Variants in BBS9 observed in about 807,000 individuals in gnomAD.
The protein encoded by BBS9 is Bardet-Biedl syndrome 9.
In BBS9, 89 loss-of-function variants were observed where a neutral mutation model predicts 117.7. That is an observed-to-expected ratio of 0.76 (90% CI 0.64 to 0.90). BBS9 has a LOEUF of 0.90. Ranked by LOEUF, BBS9 falls within the 40% of genes least tolerant of loss-of-function variation. The pLI is 0.00. For synonymous variants in BBS9, 379 were observed against 370.9 expected, an observed-to-expected ratio of 1.02 and a Z score of -0.25; for missense variants, 982 against 1,042.2, an observed-to-expected ratio of 0.94 and a Z score of 0.80.
At chr7:33,314,239 C>CTTTT in intron 9 of BBS9, 5 of 350,434 alleles carry the variant, frequency 1.4e-5, no homozygotes, top group South Asian at 6.8e-5. Context: ...AATTTCCTTT[C>CTTTT]TTTTTTTTTT....
intron 7 of BBS9, among the ~76,000 whole-genome samples, chr7:33,267,063 T>C (rs1798953711): frequency 6.6e-6 from 1 of 152,136 alleles, no homozygotes; most frequent in Admixed American, 6.6e-5. Context: ...TTTATTTATT[T>C]ATTTTTTGCT....
At chr7:33,267,878 T>G (rs1799090857) in intron 7 of BBS9, among the ~76,000 whole-genome samples, 1 of 152,188 alleles carries the variant, frequency 6.6e-6, no homozygotes, top group South Asian at 2.1e-4. Flanking sequence ...TCCTTTCACA[T>G]TTCTTTTAGT....
intron 19 of BBS9, among the ~76,000 whole-genome samples, chr7:33,411,515 A>T (rs907109488): frequency 1.3e-5 from 2 of 152,136 alleles, no homozygotes; most frequent in Admixed American, 6.6e-5. Context: ...TGTAAATTTA[A>T]ACTTAGATTT....
chr7:33,604,883 C>T lies in BBS9; in HGVS notation c.2540C>T (p.Pro847Leu). ...CAACTAGGTGGTTGTACTACAATCC[C>T]AGAGTCAGACCTAGAAGAAAGATCA... ...MVMPGGCTTI[P>L]ESDLEERSVE... Residue 847 changes from proline to leucine, a missense_variant, in exon 22 of 23, where the codon CCA becomes CTA. By Grantham distance (98) the Pro-to-Leu change is moderately conservative (BLOSUM62 -3). Transcript: ENST00000242067. The T allele has an allele frequency of 6.2e-7, 1 of 1,612,524 alleles. No individual in the cohort carries two copies. The highest frequency in any genetic ancestry group is 1.1e-5 in the South Asian group (1 of 90,996).
intron 19 of BBS9, among the ~76,000 whole-genome samples, chr7:33,432,065 A>G (rs1834556104): frequency 6.6e-6 from 1 of 151,510 alleles, no homozygotes; most frequent in African/African-American, 2.4e-5. Context: ...CATTTTTGCC[A>G]GGATTTTTTT....
At chr7:33,139,091 A>G (rs1010104655) in intron 1 of BBS9, among the ~76,000 whole-genome samples, 8 of 151,064 alleles carry the variant, frequency 5.3e-5, no homozygotes, top group African/African-American at 1.5e-4. Context: ...CGTCTCTACT[A>G]AAAATACAAA....
chr7:33,322,356 CTTTTTTTT>C (rs35411730), intron 9 of BBS9, among the ~76,000 whole-genome samples: 2 of 74,162 alleles, frequency 2.7e-5, no homozygotes, highest in African/African-American at 4.7e-5. Context: ...GGGTCTCAGG[CTTTTTTTT>C]TTTTTTTTTT....
At chr7:33,261,491 G>A (rs1369766953) in intron 6 of BBS9, among the ~76,000 whole-genome samples, 1 of 152,186 alleles carries the variant, frequency 6.6e-6, no homozygotes, top group Non-Finnish European at 1.5e-5. Flanking sequence ...AGCTATAGTT[G>A]AAATCAACAT....
intron 19 of BBS9, among the ~76,000 whole-genome samples, chr7:33,481,444 T>C (rs1237263535): frequency 6.6e-6 from 1 of 152,136 alleles, no homozygotes; most frequent in Non-Finnish European, 1.5e-5. Context: ...AGTGAAGAAA[T>C]ACAACTAAAG....
intron 7 of BBS9, among the ~76,000 whole-genome samples, chr7:33,268,749 T>G (rs757884025): frequency 2.6e-5 from 4 of 152,198 alleles, no homozygotes; most frequent in Non-Finnish European, 5.9e-5. Context: ...ATTCAGTACC[T>G]GGTAAATTGA....
intron 4 of BBS9, among the ~76,000 whole-genome samples, chr7:33,166,213 A>T (rs1795658463): frequency 6.6e-6 from 1 of 152,112 alleles, no homozygotes; most frequent in Non-Finnish European, 1.5e-5. Flanking sequence ...TTGCTGCCTG[A>T]TCCTTCCTCT....
chr7:33,497,654 T>A (rs1312434365), intron 19 of BBS9, among the ~76,000 whole-genome samples: 8 of 152,136 alleles, frequency 5.3e-5, no homozygotes, highest in Admixed American at 4.6e-4. Flanking sequence ...CAGGCAAAGT[T>A]GTATGTCTGT....
intron 5 of BBS9, among the ~76,000 whole-genome samples, chr7:33,238,669 G>C (rs925083665): frequency 2.6e-5 from 4 of 152,040 alleles, no homozygotes; most frequent in Non-Finnish European, 4.4e-5. Context: ...GAGGGAAAAA[G>C]TATTTTCTAT....
At chr7:33,143,159 C>T (rs956424810) in intron 1 of BBS9, among the ~76,000 whole-genome samples, 3 of 151,974 alleles carry the variant, frequency 2.0e-5, no homozygotes, top group Admixed American at 6.6e-5. Flanking sequence ...TTAGTAGAGA[C>T]GGGGTATCAC....
chr7:33,616,941 A>G (rs1865167995), intron 21 of BBS9, among the ~76,000 whole-genome samples: 1 of 151,988 alleles, frequency 6.6e-6, no homozygotes, highest in African/African-American at 2.4e-5. Context: ...GCTTTTGTTT[A>G]TAAGTGAGAG....
At chr7:33,313,515 GTC>G (rs368399350) in intron 9 of BBS9, among the ~76,000 whole-genome samples, 2 of 152,278 alleles carry the variant, frequency 1.3e-5, no homozygotes, top group Non-Finnish European at 2.9e-5. Flanking sequence ...TTTCTAGTAA[GTC>G]TAATAAGAGT....
At chr7:33,537,290 C>T (rs1469527530) in intron 21 of BBS9, among the ~76,000 whole-genome samples, 1 of 152,066 alleles carries the variant, frequency 6.6e-6, no homozygotes, top group Non-Finnish European at 1.5e-5. Flanking sequence ...TTTTTTTGCT[C>T]TAGCGAAGGC....
intron 2 of BBS9, 52 bp downstream of exon 2, chr7:33,146,416 T>C: frequency 6.3e-6 from 9 of 1,431,832 alleles, no homozygotes; most frequent in Non-Finnish European, 5.9e-6. Flanking sequence ...AGAGATCAAA[T>C]AAGACTGGGC....
chr7:33,226,977 A>G (rs893892587), intron 5 of BBS9, among the ~76,000 whole-genome samples: 1 of 152,188 alleles, frequency 6.6e-6, no homozygotes, highest in African/African-American at 2.4e-5. Context: ...GGTGGATTGC[A>G]CAATGCACTT....
Sources: gnomAD v4.1 joint callset for allele counts (sites outside exome capture counted in the v4.1 genomes callset) on GRCh38, gnomAD v4.1.1 for gene constraint, MANE v1.5 for transcripts, NCBI Gene and HGNC (gene_info 2026-07-23, HGNC 2026-07-21) for gene names.